The following CRMP1 variants were observed in gnomAD, a reference collection of about 807,000 sequenced individuals.
CRMP1 encodes collapsin response mediator protein 1, also known as dihydropyrimidinase-related protein 1.
In CRMP1, 19 loss-of-function variants were observed where a neutral mutation model predicts 68.3. The observed-to-expected ratio is 0.28, with a 90% CI of 0.19 to 0.41. The LOEUF is 0.41. CRMP1 is among the 10% of genes least tolerant of loss of function. The pLI, the probability that CRMP1 is intolerant of heterozygous loss-of-function variation, is 1.00. For synonymous variants in CRMP1, 439 were observed against 399.6 expected, an observed-to-expected ratio of 1.10 and a Z score of -1.18; for missense variants, 791 against 967.4, an observed-to-expected ratio of 0.82 and a Z score of 2.42.
rs1237691800 is a variant in CRMP1 at position 5,838,254 on chromosome 4, G to A, written c.1310+1268C>T. Among the ~76,000 whole-genome samples the A allele has an allele frequency of 6.6e-6, 1 of 152,122 alleles. No homozygotes were observed. The highest frequency in any genetic ancestry group is 1.5e-5 in the Non-Finnish European group (1 of 68,014). ...CAGGGTCAGCATGAAGCTGGGACTGGACCGAGGGAGCCAAGGGCAGAGGAG... is the reference window on the plus strand; with the variant it reads ...CAGGGTCAGCATGAAGCTGGGACTGAACCGAGGGAGCCAAGGGCAGAGGAG... On this transcript the variant is annotated intron_variant, in intron 9 of 13. Coordinates refer to ENST00000324989, the MANE Select transcript of CRMP1 (RefSeq NM_001014809.3). This position sits in a 1 kb window ranked among gnomAD's most constrained non-coding sequence, Gnocchi z 4.9.
chr4:5,863,504 C>A (rs1460930111), intron 2 of CRMP1, among the ~76,000 whole-genome samples: 1 of 152,114 alleles, frequency 6.6e-6, no homozygotes, highest in Non-Finnish European at 1.5e-5. Context: ...TTGCACTAAA[C>A]GGGACCCCCA....
chr4:5,889,582 C>T lies in CRMP1; in HGVS notation c.381+3007G>A, dbSNP rs1188521187. 2.6e-6 allele frequency: 4 copies of T among 1,536,040 alleles called. No homozygotes were observed. Among genetic ancestry groups the T allele is most frequent in the Non-Finnish European group, 3.5e-6 (4 of 1,146,898 alleles). The stretch of plus-strand genomic sequence containing the variant: ...GGAGCCCCAGCAAGCCCCAACCTCA[C>T]TGGACAGGTGCCCCAAGTTCCCAGG... On this transcript the variant is annotated intron_variant, in intron 1 of 13. Coordinates refer to ENST00000324989, the MANE Select transcript of CRMP1 (RefSeq NM_001014809.3). The surrounding 1 kb of genome is among the most constrained non-coding windows in gnomAD (Gnocchi z 4.5).
At chr4:5,826,054 A>G (rs1235453830) in intron 12 of CRMP1, 9 of 280,678 alleles carry the variant, frequency 3.2e-5, no homozygotes, top group Non-Finnish European at 6.0e-5. Flanking sequence ...AGGCATACTC[A>G]CATATGTATA....
chr4:5,889,553 A>AG lies in CRMP1; in HGVS notation c.381+3035dup, dbSNP rs1715844004. The AG allele has an allele frequency of 1.3e-6, 2 of 1,533,278 alleles. No individual in the cohort carries two copies. Among genetic ancestry groups the AG allele is most frequent in the Non-Finnish European group, 1.7e-6 (2 of 1,144,382 alleles). 95.0% of individuals were successfully genotyped at this position (1,533,278 alleles called of 1,614,324 possible). On this transcript the variant is annotated intron_variant, in intron 1 of 13. Transcript: ENST00000324989. This position sits in a 1 kb window ranked among gnomAD's most constrained non-coding sequence, Gnocchi z 4.5. ...AAAAGATGAAAGAAGATGGAGGAAA[A>AG]GGGGGAGCCCCAGCAAGCCCCAACC...
chr4:5,833,773 G>A (rs957955016), intron 11 of CRMP1, among the ~76,000 whole-genome samples: 21 of 152,090 alleles, frequency 1.4e-4, no homozygotes, highest in African/African-American at 3.6e-4. Flanking sequence ...GGCTGGGTGC[G>A]GTGGCTCACA....
At chr4:5,845,347 C>T (rs145180187) in intron 6 of CRMP1, among the ~76,000 whole-genome samples, 6 of 152,238 alleles carry the variant, frequency 3.9e-5, no homozygotes, top group Admixed American at 2.6e-4. Flanking sequence ...TGCTCACCTA[C>T]TGCTTTTTGG....
At chr4:5,822,810 C>A (rs1718875304) in intron 13 of CRMP1, among the ~76,000 whole-genome samples, 1 of 152,174 alleles carries the variant, frequency 6.6e-6, no homozygotes, top group Non-Finnish European at 1.5e-5. Context: ...CAACTTATCA[C>A]CAGATCCTCA....
rs753743863 is a variant in CRMP1 at position 5,861,054 on chromosome 4, C to G, written c.627G>C (p.Ala209=). The stretch of plus-strand genomic sequence containing the variant: ...TCATCGTGGTCCCGCCCACCAGTGC[C>G]GCCCTGGTCCCTTGGAAGAAGTCAT... ...AADDFFQGTR[A]ALVGGTTMII... Residue 209 remains alanine, a synonymous_variant, in exon 3 of 14, where the codon GCG becomes GCC. Coordinates refer to ENST00000324989, the MANE Select transcript of CRMP1 (RefSeq NM_001014809.3). This position sits in a 1 kb window ranked among gnomAD's most constrained non-coding sequence, Gnocchi z 6.0. 6.2e-7 allele frequency: 1 copy of G among 1,614,172 alleles called. No individual in the cohort carries two copies. Among genetic ancestry groups the G allele is most frequent in the South Asian group, 1.1e-5 (1 of 91,078 alleles).
intron 1 of CRMP1, among the ~76,000 whole-genome samples, chr4:5,869,500 G>A (rs1427114299): frequency 1.3e-5 from 2 of 151,490 alleles, no homozygotes; most frequent in Non-Finnish European, 2.9e-5. Flanking sequence ...GGCTAACACG[G>A]TGAAACGCCA....
At chr4:5,822,692 T>C (rs1465272610) in intron 13 of CRMP1, among the ~76,000 whole-genome samples, 1 of 152,142 alleles carries the variant, frequency 6.6e-6, no homozygotes, top group African/African-American at 2.4e-5. Context: ...AGAGTCCTTA[T>C]CAGGGAGGGG....
intron 2 of CRMP1, among the ~76,000 whole-genome samples, chr4:5,862,086 C>A (rs1190026622): frequency 6.6e-6 from 1 of 152,134 alleles, no homozygotes; most frequent in East Asian, 1.9e-4. Context: ...AAGTGGGTGC[C>A]ACACACTGTC....
At chr4:5,867,630 G>C (rs911749089) in intron 1 of CRMP1, among the ~76,000 whole-genome samples, 4 of 152,144 alleles carry the variant, frequency 2.6e-5, no homozygotes, top group African/African-American at 9.7e-5. Flanking sequence ...GAGGGGACCA[G>C]GCACAGAGCT....
In CRMP1 at chr4:5,866,418, T is replaced by A. The variant is rs142521980; in HGVS notation, c.470+250A>T. On this transcript the variant is annotated intron_variant, in intron 2 of 13. Coordinates refer to ENST00000324989, the MANE Select transcript of CRMP1 (RefSeq NM_001014809.3). The surrounding 1 kb of genome is among the most constrained non-coding windows in gnomAD (Gnocchi z 5.9). ...ACGTGTCTGCATTTTGCAGCCTTTG[T>A]GTGAGCATTGCAAGAGAGGAGCTGC... Among the ~76,000 whole-genome samples the A allele has an allele frequency of 2.6e-5, 4 of 152,354 alleles. No homozygotes were observed. In the East Asian group the frequency reaches 5.8e-4, roughly 22 times the overall value.
intron 2 of CRMP1, among the ~76,000 whole-genome samples, chr4:5,863,000 A>G (rs1713697223): frequency 6.6e-6 from 1 of 151,892 alleles, no homozygotes; most frequent in Non-Finnish European, 1.5e-5. Flanking sequence ...TTTTGTAGAG[A>G]TGGGATCTCC....
rs75257470 is a variant in CRMP1, at chr4:5,859,178, C to T, written c.655+1848G>A. Among the ~76,000 whole-genome samples, 3,605 of 152,252 alleles carry T rather than the reference C, an allele frequency of 0.024. 161 individuals are homozygous for T. Among genetic ancestry groups the T allele is most frequent in the African/African-American group, 0.081 (3,358 of 41,530 alleles). Reference sequence around the variant, plus strand: ...TGTTCACCTGGTACAGTGCCTGGTGCGGACAACTCTTACTTAACATCTGTT... The same window carrying T: ...TGTTCACCTGGTACAGTGCCTGGTGTGGACAACTCTTACTTAACATCTGTT... On this transcript the variant is annotated intron_variant, in intron 3 of 13. Transcript: ENST00000324989. The surrounding 1 kb of genome is among the most constrained non-coding windows in gnomAD (Gnocchi z 5.2).
chr4:5,843,058 G>A lies in CRMP1; in HGVS notation c.1032+35C>T, dbSNP rs972755544. The A allele has an allele frequency of 2.9e-5, 46 of 1,600,588 alleles. No homozygotes were observed. The highest frequency in any genetic ancestry group is 3.9e-5 in the Non-Finnish European group (45 of 1,168,464). On this transcript the variant is annotated intron_variant, in intron 7 of 13. Coordinates refer to ENST00000324989, the MANE Select transcript of CRMP1 (RefSeq NM_001014809.3). The surrounding 1 kb of genome is among the most constrained non-coding windows in gnomAD (Gnocchi z 4.1). ...CATCAAGGTGAGTGCTCAGTGGTGA[G>A]TGTCAGAGTCATGCCCAAGTTGAGG...
Position 5,886,955 on chromosome 4 carries a change from G to A in CRMP1, c.381+5634C>T, listed in dbSNP as rs949361846. On this transcript the variant is annotated intron_variant, in intron 1 of 13. Transcript: ENST00000324989. ...GATGGGGGCTTGGCAGAGGCCTGCT[G>A]ACAAGAGCTGAGGCTGGGCCCAGGA... 2.0e-5 allele frequency among the ~76,000 whole-genome samples: 3 copies of A among 152,186 alleles called. No homozygotes were observed. The South Asian group carries it at 6.2e-4, about 31-fold the overall frequency.
intron 2 of CRMP1, among the ~76,000 whole-genome samples, chr4:5,862,263 G>A (rs28417280): frequency 5.6e-4 from 83 of 147,402 alleles, no homozygotes; most frequent in African/African-American, 1.8e-3. Flanking sequence ...TATACTAACC[G>A]ATCCCTTACC....
In CRMP1 at chr4:5,890,541, C is replaced by T. The variant is rs542494344; in HGVS notation, c.381+2048G>A. On this transcript the variant is annotated intron_variant, in intron 1 of 13. Coordinates refer to ENST00000324989, the MANE Select transcript of CRMP1 (RefSeq NM_001014809.3). This position sits in a 1 kb window ranked among gnomAD's most constrained non-coding sequence, Gnocchi z 5.5. Reference sequence around the variant, plus strand: ...CCGCTCTGCCGGCAGAAAGTAAAACCCTCCCTCCGTGGAGATCGCGAGCCC... The same window carrying T: ...CCGCTCTGCCGGCAGAAAGTAAAACTCTCCCTCCGTGGAGATCGCGAGCCC... Among the ~76,000 whole-genome samples the T allele has an allele frequency of 2.0e-5, 3 of 152,360 alleles. No homozygotes were observed. Among genetic ancestry groups the T allele is most frequent in the South Asian group, 2.1e-4 (1 of 4,832 alleles).
Sources: allele counts gnomAD v4.1 joint callset (sites outside exome capture counted in the v4.1 genomes callset), GRCh38; gene constraint gnomAD v4.1.1; non-coding constraint Gnocchi (gnomAD v3.1); transcripts MANE v1.5; gene names NCBI Gene and HGNC (gene_info 2026-07-23, HGNC 2026-07-21).